The following STK39 variants were observed in gnomAD, a reference collection of about 807,000 sequenced individuals.
STK39 encodes the protein serine/threonine kinase 39, also known as STE20/SPS1-related proline-alanine-rich protein kinase.
Under a neutral mutation model 77.8 loss-of-function variants are expected in STK39, and 20 were observed. The observed-to-expected ratio is 0.26, with a 90% CI of 0.18 to 0.37. The LOEUF (loss-of-function observed/expected upper bound fraction) is 0.37. Ranked by LOEUF, STK39 falls within the 10% of genes least tolerant of loss-of-function variation. The pLI is 1.00. For missense variants in STK39, 479 were observed against 656.5 expected (o/e 0.73, Z 2.95); for synonymous variants, 246 against 234.1 (o/e 1.05, Z -0.47).
chr2:168,085,503 T>A (rs1005921518), intron 10 of STK39, among the ~76,000 whole-genome samples: 2 of 152,238 alleles, frequency 1.3e-5, no homozygotes, highest in Non-Finnish European at 2.9e-5. Flanking sequence ...CAAGGAGCTG[T>A]GCCCATGGCA....
intron 10 of STK39, among the ~76,000 whole-genome samples, chr2:168,122,307 T>C (rs2105491739): frequency 6.6e-6 from 1 of 152,326 alleles, no homozygotes; most frequent in African/African-American, 2.4e-5. Context: ...GTTCTTGTGC[T>C]AGTTTGCTTA....
At chr2:168,084,899 C>T (rs1686327969) in intron 10 of STK39, among the ~76,000 whole-genome samples, 1 of 152,182 alleles carries the variant, frequency 6.6e-6, no homozygotes, top group Non-Finnish European at 1.5e-5. Context: ...TTCAAACGTA[C>T]CTAACACCTT....
At chr2:168,018,546 G>GAAAGAAAT (rs1559059473) in intron 14 of STK39, among the ~76,000 whole-genome samples, 1 of 109,314 alleles carries the variant, frequency 9.1e-6, no homozygotes, top group Non-Finnish European at 2.0e-5. Context: ...AGAAAAGAAA[G>GAAAGAAAT]AAAGAAAGAA....
At chr2:168,239,549 C>T (rs372228202) in intron 1 of STK39, among the ~76,000 whole-genome samples, 1 of 152,168 alleles carries the variant, frequency 6.6e-6, no homozygotes, top group Non-Finnish European at 1.5e-5. Context: ...TTGGCCCAAA[C>T]GCAACTAAAT....
chr2:168,056,473 T>G (rs1464784910), intron 14 of STK39, among the ~76,000 whole-genome samples: 1 of 152,076 alleles, frequency 6.6e-6, no homozygotes, highest in African/African-American at 2.4e-5. Context: ...CAGCATTAGT[T>G]AAGGACTGAG....
intron 1 of STK39, among the ~76,000 whole-genome samples, chr2:168,189,979 G>C (rs1019986495): frequency 2.6e-5 from 4 of 152,164 alleles, no homozygotes; most frequent in Non-Finnish European, 5.9e-5. Context: ...TAGCCCGCCC[G>C]AGCTATGAAT....
chr2:168,032,419 G>T (rs1462639821), intron 14 of STK39, among the ~76,000 whole-genome samples: 2 of 152,194 alleles, frequency 1.3e-5, no homozygotes, highest in Non-Finnish European at 2.9e-5. Flanking sequence ...TAACAAGACT[G>T]TGGGGGTAAT....
At chr2:168,060,557 AT>A (rs201946728) in intron 14 of STK39, among the ~76,000 whole-genome samples, 13 of 152,030 alleles carry the variant, frequency 8.6e-5, no homozygotes, top group African/African-American at 1.7e-4. Context: ...AGTCTATGGT[AT>A]TTTTTTTAAT....
At chr2:168,214,872 A>G (rs780898849) in intron 1 of STK39, among the ~76,000 whole-genome samples, 1 of 152,184 alleles carries the variant, frequency 6.6e-6, no homozygotes. Context: ...TGGAAATCCA[A>G]AAGAGTGTAT....
intron 5 of STK39, among the ~76,000 whole-genome samples, chr2:168,149,850 G>T (rs1412244015): frequency 2.0e-5 from 3 of 152,188 alleles, no homozygotes; most frequent in African/African-American, 7.2e-5. Context: ...AATCTAATTC[G>T]CTTTTTTGCC....
intron 10 of STK39, among the ~76,000 whole-genome samples, chr2:168,097,760 G>A (rs1040914848): frequency 4.6e-5 from 7 of 151,642 alleles, no homozygotes; most frequent in East Asian, 1.9e-4. Flanking sequence ...AAAAGAAGAC[G>A]AAGAAGACTA....
chr2:168,076,384 G>A (rs2105406731), intron 10 of STK39, among the ~76,000 whole-genome samples: 1 of 152,232 alleles, frequency 6.6e-6, no homozygotes, highest in East Asian at 1.9e-4. Context: ...AGACTATGAT[G>A]TGAAGAAAGC....
chr2:168,075,462 G>A (rs2105405318), intron 10 of STK39, among the ~76,000 whole-genome samples: 1 of 152,090 alleles, frequency 6.6e-6, no homozygotes, highest in African/African-American at 2.4e-5. Flanking sequence ...CTATATACAT[G>A]AAGAACAAAA....
intron 2 of STK39, among the ~76,000 whole-genome samples, chr2:168,168,553 C>A (rs4667562): frequency 0.26 from 40,118 of 152,010 alleles, 5,973 homozygotes; most frequent in East Asian, 0.56. Flanking sequence ...GTTACCCAAG[C>A]AGAACATCTC....
intron 14 of STK39, among the ~76,000 whole-genome samples, chr2:168,018,776 C>A (rs1684497603): frequency 6.6e-6 from 1 of 152,048 alleles, no homozygotes; most frequent in Non-Finnish European, 1.5e-5. Flanking sequence ...GTGCCCAAAC[C>A]ACAATGAAGC....
At chr2:168,196,771 T>C (rs1319408739) in intron 1 of STK39, among the ~76,000 whole-genome samples, 2 of 152,192 alleles carry the variant, frequency 1.3e-5, no homozygotes, top group Non-Finnish European at 2.9e-5. Flanking sequence ...ACATGTGGGC[T>C]GACAAGAAGG....
Position 168,129,757 on chromosome 2 carries a change from G to T in STK39, c.976C>A (p.Pro326Thr). Reference sequence around the variant, plus strand: ...CATTTTAAAAGTTCTGCTGCTGTGGGCCTGAAAGATCAATAATAAATTAGA... The same window carrying T: ...CATTTTAAAAGTTCTGCTGCTGTGGTCCTGAAAGATCAATAATAAATTAGA... ...LCLQKDPSKR[P>T]TAAELLKCKF... is the part of the protein sequence containing the mutation. The change falls in exon 9 of 18, where the codon CCC (proline) becomes ACC (threonine). Residue 326 changes from proline to threonine, a missense_variant and splice_region_variant. Pro to Thr is a conservative substitution (Grantham distance 38). Transcript: ENST00000355999. 6.2e-7 allele frequency: 1 copy of T among 1,613,532 alleles called. No homozygotes were observed. Among genetic ancestry groups the T allele is most frequent in the South Asian group, 1.1e-5 (1 of 91,048 alleles).
At chr2:168,220,259 C>T (rs1002980410) in intron 1 of STK39, among the ~76,000 whole-genome samples, 1 of 152,008 alleles carries the variant, frequency 6.6e-6, no homozygotes, top group African/African-American at 2.4e-5. Context: ...AAATGCCCAA[C>T]AAAGCTGAGA....
chr2:168,223,112 TA>T (rs1234855687), intron 1 of STK39, among the ~76,000 whole-genome samples: 3 of 152,214 alleles, frequency 2.0e-5, no homozygotes, highest in African/African-American at 7.2e-5. Context: ...CTCTCAGTCA[TA>T]AAGCTAGCAA....
Sources: gnomAD v4.1 joint callset for allele counts (sites outside exome capture counted in the v4.1 genomes callset) on GRCh38, gnomAD v4.1.1 for gene constraint, MANE v1.5 for transcripts, NCBI Gene and HGNC (gene_info 2026-07-23, HGNC 2026-07-21) for gene names.